The following KCTD16 variants were observed in gnomAD, a reference collection of about 807,000 sequenced individuals.
KCTD16 encodes potassium channel tetramerization domain containing 16, also known as BTB/POZ domain-containing protein KCTD16.
In KCTD16, 13 loss-of-function variants were observed where a neutral mutation model predicts 33.2. The observed-to-expected ratio is 0.39, with a 90% CI of 0.25 to 0.62. The LOEUF (loss-of-function observed/expected upper bound fraction) is 0.62, where lower values mean the gene tolerates loss of function less well. Among genes scored for constraint, KCTD16 ranks in the 20% least tolerant of loss-of-function variants. KCTD16 has a pLI of 0.50. For synonymous variants in KCTD16, 197 were observed against 195.3 expected (o/e 1.01, Z -0.07); for missense variants, 441 against 525.1 (o/e 0.84, Z 1.57).
chr5:144,448,668 CT>C, intron 3 of KCTD16, among the ~76,000 whole-genome samples: 1 of 152,162 alleles, frequency 6.6e-6, no homozygotes, highest in Non-Finnish European at 1.5e-5. Flanking sequence ...AAAATGACAG[CT>C]CTAAGGAACC....
intron 3 of KCTD16, among the ~76,000 whole-genome samples, chr5:144,387,211 C>T (rs1375448545): frequency 2.0e-5 from 3 of 147,696 alleles, no homozygotes; most frequent in African/African-American, 7.6e-5. Flanking sequence ...CTCCTGGGCT[C>T]AAGTGATCTT....
At chr5:144,235,524 T>C (rs1754227554) in intron 3 of KCTD16, among the ~76,000 whole-genome samples, 3 of 152,108 alleles carry the variant, frequency 2.0e-5, no homozygotes, top group Admixed American at 2.0e-4. Flanking sequence ...GCCTGTTTCC[T>C]TATCTACAAA....
intron 3 of KCTD16, among the ~76,000 whole-genome samples, chr5:144,445,122 A>G (rs1054641561): frequency 8.6e-5 from 13 of 151,710 alleles, no homozygotes; most frequent in East Asian, 5.8e-4. Flanking sequence ...TTTTTGGCCT[A>G]CTTTTTATAT....
intron 3 of KCTD16, among the ~76,000 whole-genome samples, chr5:144,225,677 C>T (rs1051035344): frequency 7.3e-5 from 11 of 151,492 alleles, no homozygotes; most frequent in African/African-American, 2.7e-4. Flanking sequence ...TAGTCTTAAA[C>T]AAGATTAATC....
intron 3 of KCTD16, among the ~76,000 whole-genome samples, chr5:144,214,562 G>A (rs1326540810): frequency 6.6e-6 from 1 of 152,012 alleles, no homozygotes; most frequent in Non-Finnish European, 1.5e-5. Flanking sequence ...TATAACCTTA[G>A]CCATAACAGA....
At chr5:144,289,112 G>T (rs1010041967) in intron 3 of KCTD16, among the ~76,000 whole-genome samples, 1 of 152,176 alleles carries the variant, frequency 6.6e-6, no homozygotes, top group African/African-American at 2.4e-5. Context: ...CATTTCATTG[G>T]TGTTTTCTTC....
At chr5:144,338,250 A>C (rs1752540546) in intron 3 of KCTD16, among the ~76,000 whole-genome samples, 1 of 152,196 alleles carries the variant, frequency 6.6e-6, no homozygotes, top group African/African-American at 2.4e-5. Flanking sequence ...AGTCCTCCAG[A>C]GGCATTGATT....
intron 3 of KCTD16, among the ~76,000 whole-genome samples, chr5:144,375,266 C>G (rs548895652): frequency 1.3e-5 from 2 of 152,306 alleles, no homozygotes; most frequent in Non-Finnish European, 2.9e-5. Flanking sequence ...AAGTGTCTTA[C>G]CTTCTTGATG....
chr5:144,178,950 T>C (rs1188939850), intron 2 of KCTD16, among the ~76,000 whole-genome samples: 2 of 152,146 alleles, frequency 1.3e-5, no homozygotes, highest in South Asian at 2.1e-4. Flanking sequence ...CTGATCTTCA[T>C]AGAACAATCA....
chr5:144,230,793 T>C (rs1754079207), intron 3 of KCTD16, among the ~76,000 whole-genome samples: 1 of 152,182 alleles, frequency 6.6e-6, no homozygotes, highest in African/African-American at 2.4e-5. Context: ...CTGAATGGAA[T>C]GATCAGGGAT....
chr5:144,447,366 A>G (rs991574723), intron 3 of KCTD16, among the ~76,000 whole-genome samples: 2 of 152,104 alleles, frequency 1.3e-5, no homozygotes, highest in African/African-American at 4.8e-5. Flanking sequence ...ATAAGAATAT[A>G]TGGGCACAGG....
intron 3 of KCTD16, among the ~76,000 whole-genome samples, chr5:144,349,967 C>T (rs142155974): frequency 2.0e-5 from 3 of 152,176 alleles, no homozygotes; most frequent in Admixed American, 6.6e-5. Flanking sequence ...CTTGATGAGA[C>T]TCAACACACT....
At chr5:144,445,815 T>C (rs987985533) in intron 3 of KCTD16, among the ~76,000 whole-genome samples, 1 of 151,926 alleles carries the variant, frequency 6.6e-6, no homozygotes, top group African/African-American at 2.4e-5. Flanking sequence ...TTCTCAATAT[T>C]TGGCCCCATC....
At chr5:144,397,391 C>T (rs1561592588) in intron 3 of KCTD16, among the ~76,000 whole-genome samples, 1 of 152,086 alleles carries the variant, frequency 6.6e-6, no homozygotes, top group Non-Finnish European at 1.5e-5. Context: ...CATACGTGTG[C>T]ATATGTCTTT....
At chr5:144,323,999 T>C (rs777045560) in intron 3 of KCTD16, among the ~76,000 whole-genome samples, 2 of 152,180 alleles carry the variant, frequency 1.3e-5, no homozygotes, top group African/African-American at 2.4e-5. Context: ...TTAAGATACT[T>C]GGTTATGGCT....
chr5:144,196,903 T>A (rs1025275135), intron 2 of KCTD16, among the ~76,000 whole-genome samples: 2 of 152,194 alleles, frequency 1.3e-5, no homozygotes, highest in African/African-American at 4.8e-5. Context: ...TCTGTAAAGG[T>A]AACATGCAAT....
At chr5:144,394,951 C>A (rs925338601) in intron 3 of KCTD16, among the ~76,000 whole-genome samples, 4 of 152,194 alleles carry the variant, frequency 2.6e-5, no homozygotes, top group Non-Finnish European at 5.9e-5. Flanking sequence ...GATGAGATGA[C>A]AAGTTATAGC....
intron 3 of KCTD16, among the ~76,000 whole-genome samples, chr5:144,467,985 G>T (rs532639327): frequency 1.3e-5 from 2 of 152,094 alleles, no homozygotes; most frequent in East Asian, 3.9e-4. Context: ...ACTAAAACAT[G>T]GGAAGAATTC....
intron 3 of KCTD16, among the ~76,000 whole-genome samples, chr5:144,305,555 C>T (rs1045253929): frequency 1.3e-5 from 2 of 152,180 alleles, no homozygotes; most frequent in Non-Finnish European, 2.9e-5. Context: ...GTGGCTCACG[C>T]CTGTAATCCC....
Sources: allele counts gnomAD v4.1 joint callset (sites outside exome capture counted in the v4.1 genomes callset), GRCh38; gene constraint gnomAD v4.1.1; transcripts MANE v1.5; gene names NCBI Gene and HGNC (gene_info 2026-07-23, HGNC 2026-07-21).